The following SPOCK1 variants were observed in gnomAD, a reference collection of about 807,000 sequenced individuals.
SPOCK1 encodes testican-1.
In SPOCK1, 23 loss-of-function variants were observed where a neutral mutation model predicts 55.3. That is an observed-to-expected ratio of 0.42 (90% CI 0.30 to 0.59). The LOEUF (loss-of-function observed/expected upper bound fraction) is 0.59, where lower values mean the gene tolerates loss of function less well. SPOCK1 is among the 20% of genes least tolerant of loss of function. SPOCK1 has a pLI of 0.22. For synonymous variants in SPOCK1, 226 were observed against 221.0 expected (o/e 1.02, Z -0.20); for missense variants, 499 against 552.5 (o/e 0.90, Z 0.97).
chr5:137,304,947 G>A lies in SPOCK1; in HGVS notation c.187-37892C>T, dbSNP rs564796989. 2.0e-5 allele frequency among the ~76,000 whole-genome samples: 3 copies of A among 152,262 alleles called. No individual in the cohort carries two copies. In the South Asian group the frequency reaches 6.2e-4, roughly 32 times the overall value. On this transcript the variant is annotated intron_variant, in intron 2 of 10. Coordinates refer to ENST00000394945, the MANE Select transcript of SPOCK1 (RefSeq NM_004598.4). ...GTACCATAAACTGGGGGCTTAAACC[G>A]CACAAACTTAGTCTCTCAGTTTCGG...
intron 5 of SPOCK1, among the ~76,000 whole-genome samples, chr5:137,081,397 C>G (rs939506364): frequency 5.3e-5 from 8 of 152,188 alleles, no homozygotes; most frequent in Non-Finnish European, 1.2e-4. Context: ...AAAACAGATA[C>G]TAGCTAAGCA....
At position 137,374,552 on chromosome 5, in the gene SPOCK1, G is replaced by A. The variant is rs568778265; in HGVS notation, c.187-107497C>T. 3.5e-4 allele frequency among the ~76,000 whole-genome samples: 53 copies of A among 152,244 alleles called. 1 individual carries two copies. The highest frequency in any genetic ancestry group is 1.2e-3 in the African/African-American group (49 of 41,556). ...ACGCTGTGGCATGTCACATCTTCAC[G>A]GACTGGAGGGACAGTGAGGGCTGTG... On this transcript the variant is annotated intron_variant, in intron 2 of 10. Transcript: ENST00000394945.
intron 2 of SPOCK1, chr5:137,365,301 G>A (rs1381196400): frequency 6.6e-6 from 1 of 152,234 alleles, no homozygotes; most frequent in Non-Finnish European, 1.5e-5. Flanking sequence ...AATTAAGTTG[G>A]TTTCTTCCCA....
intron 6 of SPOCK1, among the ~76,000 whole-genome samples, chr5:137,039,058 C>T (rs1751938764): frequency 6.6e-6 from 1 of 152,070 alleles, no homozygotes; most frequent in Non-Finnish European, 1.5e-5. Flanking sequence ...GTAATAATGT[C>T]ACTTATTATA....
chr5:137,044,115 G>T (rs1279922008), intron 6 of SPOCK1, among the ~76,000 whole-genome samples: 1 of 152,182 alleles, frequency 6.6e-6, no homozygotes, highest in Non-Finnish European at 1.5e-5. Flanking sequence ...TTGGACACCA[G>T]TTGCTGAACA....
At chr5:137,456,765 C>T (rs956689839) in intron 2 of SPOCK1, among the ~76,000 whole-genome samples, 4 of 152,120 alleles carry the variant, frequency 2.6e-5, no homozygotes, top group Admixed American at 2.0e-4. Context: ...CCGTGGTAGA[C>T]TGAAACAATA....
chr5:137,166,434 A>T, intron 3 of SPOCK1, among the ~76,000 whole-genome samples: 1 of 151,444 alleles, frequency 6.6e-6, no homozygotes, highest in Non-Finnish European at 1.5e-5. Flanking sequence ...TACTTCAATT[A>T]GAAAAAAAAA....
chr5:137,099,732 GT>G (rs1561608875), intron 5 of SPOCK1, among the ~76,000 whole-genome samples: 1 of 152,040 alleles, frequency 6.6e-6, no homozygotes. Flanking sequence ...TTGGATTTAT[GT>G]TTGTGGTTTC....
chr5:137,356,838 T>TAGAGAGAGAGAGAGAGAG lies in SPOCK1; in HGVS notation c.187-89801_187-89784dup, dbSNP rs1177060339. 4.6e-3 allele frequency among the ~76,000 whole-genome samples: 25 copies of TAGAGAGAGAGAGAGAGAG among 5,458 alleles called. 1 individual carries two copies. Among genetic ancestry groups the TAGAGAGAGAGAGAGAGAG allele is most frequent in the Non-Finnish European group, 5.9e-3 (19 of 3,236 alleles). 3.6% of individuals were successfully genotyped at this position (5,458 alleles called of 152,430 possible). Reference sequence around the variant, plus strand: ...ATATATATATATATATATATATATATAGAGAGAGAGAGAGAGAGAGAGAGA... The same window carrying TAGAGAGAGAGAGAGAGAG: ...ATATATATATATATATATATATATATAGAGAGAGAGAGAGAGAGAGAGAGAGAGAGAGAGAGAGAGAGA... On this transcript the variant is annotated intron_variant, in intron 2 of 10. Coordinates refer to ENST00000394945, the MANE Select transcript of SPOCK1 (RefSeq NM_004598.4).
In SPOCK1 at chr5:137,281,075, TA is replaced by T. The variant is rs796671149; in HGVS notation, c.187-14021del. On this transcript the variant is annotated intron_variant, in intron 2 of 10. Coordinates refer to ENST00000394945, the MANE Select transcript of SPOCK1 (RefSeq NM_004598.4). ...TGTTTCTACTTTACTACTTTTCAAT[TA>T]AAAAAAAAACATGGATTACTTCTTA... Among the ~76,000 whole-genome samples, 954 of 148,988 alleles carry T rather than the reference TA, an allele frequency of 6.4e-3. 10 individuals carry two copies. The highest frequency in any genetic ancestry group is 0.021 in the African/African-American group (850 of 40,746).
intron 4 of SPOCK1, among the ~76,000 whole-genome samples, chr5:137,120,496 G>A (rs1335359809): frequency 2.0e-5 from 3 of 152,158 alleles, no homozygotes; most frequent in South Asian, 2.1e-4. Flanking sequence ...CTGCACAATG[G>A]CCAAGGCAGC....
At chr5:137,265,941 G>C (rs530415640) in intron 3 of SPOCK1, among the ~76,000 whole-genome samples, 1 of 152,112 alleles carries the variant, frequency 6.6e-6, no homozygotes, top group Non-Finnish European at 1.5e-5. Flanking sequence ...TGCATACAGC[G>C]AAAGCTCAAT....
chr5:137,156,513 G>T (rs1187352493), intron 3 of SPOCK1, among the ~76,000 whole-genome samples: 2 of 152,182 alleles, frequency 1.3e-5, no homozygotes, highest in Non-Finnish European at 2.9e-5. Flanking sequence ...ATTCATGTGT[G>T]TGTGAAGCAG....
At chr5:137,232,819 G>A (rs1027843685) in intron 3 of SPOCK1, among the ~76,000 whole-genome samples, 2 of 152,170 alleles carry the variant, frequency 1.3e-5, no homozygotes, top group African/African-American at 4.8e-5. Context: ...CCATTAACGA[G>A]ATATGTCTTT....
intron 2 of SPOCK1, among the ~76,000 whole-genome samples, chr5:137,286,129 G>A (rs1757259992): frequency 6.6e-6 from 1 of 152,116 alleles, no homozygotes; most frequent in African/African-American, 2.4e-5. Flanking sequence ...AAGGGAATGA[G>A]GTGCTGAGAT....
intron 2 of SPOCK1, among the ~76,000 whole-genome samples, chr5:137,303,346 GC>G (rs754498846): frequency 1.3e-5 from 2 of 151,914 alleles, no homozygotes; most frequent in Non-Finnish European, 2.9e-5. Context: ...TACTTGGGAG[GC>G]AAGATACTAG....
chr5:137,156,932 A>T (rs187347453), intron 3 of SPOCK1, among the ~76,000 whole-genome samples: 95 of 152,298 alleles, frequency 6.2e-4, no homozygotes, highest in African/African-American at 2.2e-3. Context: ...CTTTTAAAAT[A>T]AGGTGTTAGC....
At chr5:137,072,008 AAG>A (rs1752630648) in intron 5 of SPOCK1, among the ~76,000 whole-genome samples, 1 of 152,218 alleles carries the variant, frequency 6.6e-6, no homozygotes, top group African/African-American at 2.4e-5. Context: ...ATTTTTTAAA[AAG>A]AGAGAGACTC....
At chr5:137,446,122 A>G (rs1446287998) in intron 2 of SPOCK1, among the ~76,000 whole-genome samples, 2 of 152,194 alleles carry the variant, frequency 1.3e-5, no homozygotes, top group Non-Finnish European at 1.5e-5. Flanking sequence ...GCTCCACAAT[A>G]TCCCTTTGGA....
Sources: gnomAD v4.1 joint callset for allele counts (sites outside exome capture counted in the v4.1 genomes callset) on GRCh38, gnomAD v4.1.1 for gene constraint, MANE v1.5 for transcripts, NCBI Gene and HGNC (gene_info 2026-07-23, HGNC 2026-07-21) for gene names.